The following HPSE2 variants were observed in gnomAD, a reference collection of about 807,000 sequenced individuals.
The protein encoded by HPSE2 is heparanase 2 (inactive).
A neutral mutation model predicts 60.5 loss-of-function variants in HPSE2; 38 were observed. That is an observed-to-expected ratio of 0.63 (90% CI 0.48 to 0.82). HPSE2 has a LOEUF of 0.82. HPSE2 is among the 40% of genes least tolerant of loss of function. The pLI is 0.00. For missense variants in HPSE2, 713 were observed against 740.4 expected, an observed-to-expected ratio of 0.96 and a Z score of 0.43; for synonymous variants, 295 against 293.2, an observed-to-expected ratio of 1.01 and a Z score of -0.06.
chr10:98,927,359 C>T (rs1954503075), intron 3 of HPSE2, among the ~76,000 whole-genome samples: 1 of 151,978 alleles, frequency 6.6e-6, no homozygotes, highest in Admixed American at 6.6e-5. Context: ...AATGGAAGAA[C>T]ATTCCATGCT....
chr10:98,848,091 C>T (rs1029806083), intron 3 of HPSE2, among the ~76,000 whole-genome samples: 21 of 152,078 alleles, frequency 1.4e-4, no homozygotes, highest in Admixed American at 6.5e-4. Flanking sequence ...GGAGTTAATT[C>T]AGGGTATGAG....
chr10:98,587,524 G>A (rs1944971027), intron 9 of HPSE2, among the ~76,000 whole-genome samples: 1 of 152,160 alleles, frequency 6.6e-6, no homozygotes, highest in African/African-American at 2.4e-5. Context: ...TTTTCCACAT[G>A]TCCCTAGCAT....
chr10:99,293,355 G>A, the HPSE2 span, among the ~76,000 whole-genome samples: 1 of 152,172 alleles, frequency 6.6e-6, no homozygotes, highest in Admixed American at 6.5e-5. Flanking sequence ...GAGAGAATGG[G>A]ATTTGAACTG....
the HPSE2 span, among the ~76,000 whole-genome samples, chr10:99,270,551 A>G: frequency 6.6e-6 from 1 of 152,218 alleles, no homozygotes; most frequent in Admixed American, 6.5e-5. Context: ...GCTGAAGTCT[A>G]TCAGACATTC....
At chr10:98,718,314 C>G (rs1349227213) in intron 5 of HPSE2, among the ~76,000 whole-genome samples, 1 of 152,140 alleles carries the variant, frequency 6.6e-6, no homozygotes, top group African/African-American at 2.4e-5. Flanking sequence ...CCTGAAGATA[C>G]TAAATACGAA....
intron 3 of HPSE2, among the ~76,000 whole-genome samples, chr10:98,817,176 T>A (rs1295725394): frequency 2.6e-5 from 4 of 152,170 alleles, no homozygotes; most frequent in African/African-American, 9.6e-5. Context: ...TATGTTAGTT[T>A]TCCTATTATT....
At chr10:99,205,490 G>A (rs1848714737) in intron 2 of HPSE2, among the ~76,000 whole-genome samples, 2 of 152,124 alleles carry the variant, frequency 1.3e-5, no homozygotes, top group East Asian at 1.9e-4. Context: ...GCTGAGGCAT[G>A]AGAATCGCTT....
intron 2 of HPSE2, among the ~76,000 whole-genome samples, chr10:99,171,179 G>A (rs1847293312): frequency 6.6e-6 from 1 of 152,280 alleles, no homozygotes; most frequent in Admixed American, 6.5e-5. Context: ...CAAGAGGACT[G>A]CGTTTAGATA....
At chr10:99,270,366 C>T in the HPSE2 span, among the ~76,000 whole-genome samples, 8 of 152,190 alleles carry the variant, frequency 5.3e-5, no homozygotes, top group East Asian at 1.9e-4. Flanking sequence ...AACACCTTTA[C>T]GTGCATAAAC....
At chr10:99,153,456 G>A (rs1253278089) in intron 2 of HPSE2, among the ~76,000 whole-genome samples, 2 of 152,172 alleles carry the variant, frequency 1.3e-5, no homozygotes, top group Non-Finnish European at 2.9e-5. Flanking sequence ...TGACCCCCGA[G>A]CAGCCTAACT....
At chr10:98,681,408 T>C (rs889652735) in intron 6 of HPSE2, among the ~76,000 whole-genome samples, 3 of 152,216 alleles carry the variant, frequency 2.0e-5, no homozygotes, top group Non-Finnish European at 2.9e-5. Context: ...ATAACTGGTT[T>C]TGTAATATTT....
chr10:98,569,975 C>T (rs956708346), intron 9 of HPSE2, among the ~76,000 whole-genome samples: 1 of 152,176 alleles, frequency 6.6e-6, no homozygotes, highest in African/African-American at 2.4e-5. Context: ...CCAATGACTC[C>T]AATTACACAC....
chr10:98,539,890 T>A (rs1222655816), intron 9 of HPSE2, among the ~76,000 whole-genome samples: 1 of 152,250 alleles, frequency 6.6e-6, no homozygotes, highest in Non-Finnish European at 1.5e-5. Context: ...TCTTCTGCTA[T>A]TCGCCCTGCA....
chr10:99,010,241 T>A (rs1406744799), intron 3 of HPSE2, among the ~76,000 whole-genome samples: 1 of 152,242 alleles, frequency 6.6e-6, no homozygotes, highest in African/African-American at 2.4e-5. Flanking sequence ...TTTCTATTTT[T>A]TTATCTTTGA....
At chr10:98,764,122 G>T (rs930052444) in intron 3 of HPSE2, among the ~76,000 whole-genome samples, 3 of 151,990 alleles carry the variant, frequency 2.0e-5, no homozygotes, top group African/African-American at 7.2e-5. Context: ...TTATAATTTT[G>T]GTTATAATTA....
chr10:98,483,789 A>G (rs954433013), intron 10 of HPSE2, among the ~76,000 whole-genome samples: 1 of 152,238 alleles, frequency 6.6e-6, no homozygotes, highest in Non-Finnish European at 1.5e-5. Flanking sequence ...GCAGAGGTAC[A>G]GTTGAGCCAT....
Position 99,152,030 on chromosome 10 carries a change from G to A in HPSE2, c.449-7631C>T, listed in dbSNP as rs551456066. Among the ~76,000 whole-genome samples the A allele has an allele frequency of 4.6e-4, 70 of 151,084 alleles. No homozygotes were observed. In the East Asian group the frequency reaches 0.013, roughly 29 times the overall value. On this transcript the variant is annotated intron_variant, in intron 2 of 11. Coordinates refer to ENST00000370552, the MANE Select transcript of HPSE2 (RefSeq NM_021828.5). Reference sequence around the variant, plus strand: ...TCATTTCCATATTTAAAAAAAAAAAGAGGCTGGGCACTGTGGCTCATGCCT... The same window carrying A: ...TCATTTCCATATTTAAAAAAAAAAAAAGGCTGGGCACTGTGGCTCATGCCT...
intron 9 of HPSE2, among the ~76,000 whole-genome samples, chr10:98,596,057 G>A (rs938872186): frequency 6.6e-6 from 1 of 152,154 alleles, no homozygotes; most frequent in Non-Finnish European, 1.5e-5. Flanking sequence ...AATCCCAGTT[G>A]ATCATGATAA....
At position 98,639,077 on chromosome 10, in the gene HPSE2, A is replaced by G. The variant is rs80207599; in HGVS notation, c.1098+2770T>C. The stretch of plus-strand genomic sequence containing the variant: ...TTGGTGGGTCTTGGCGACTACTTCA[A>G]TGAACAGGATATGGCTAATGTGATG... On this transcript the variant is annotated intron_variant, in intron 7 of 11. Coordinates refer to ENST00000370552, the MANE Select transcript of HPSE2 (RefSeq NM_021828.5). Among the ~76,000 whole-genome samples, 1,166 of 152,270 alleles carry G rather than the reference A, an allele frequency of 7.7e-3. 17 individuals are homozygous for G. The highest frequency in any genetic ancestry group is 0.026 in the African/African-American group (1,082 of 41,554).
Sources: gnomAD v4.1 joint callset for allele counts (sites outside exome capture counted in the v4.1 genomes callset) on GRCh38, gnomAD v4.1.1 for gene constraint, MANE v1.5 for transcripts, NCBI Gene and HGNC (gene_info 2026-07-23, HGNC 2026-07-21) for gene names.